The following TRHDE variants were observed in gnomAD, a reference collection of about 807,000 sequenced individuals.
TRHDE encodes thyrotropin releasing hormone degrading enzyme.
In TRHDE, 72 loss-of-function variants were observed where a neutral mutation model predicts 125.7. That is an observed-to-expected ratio of 0.57 (90% CI 0.47 to 0.70). TRHDE has a LOEUF of 0.70. Ranked by LOEUF, TRHDE falls within the 30% of genes least tolerant of loss-of-function variation. TRHDE has a pLI of 0.00. For synonymous variants in TRHDE, 509 were observed against 509.1 expected, an observed-to-expected ratio of 1.00 and a Z score of 0.00; for missense variants, 1,110 against 1,327.1, an observed-to-expected ratio of 0.84 and a Z score of 2.54.
intron 5 of TRHDE, among the ~76,000 whole-genome samples, chr12:72,476,136 C>T (rs1226937301): frequency 1.3e-5 from 2 of 152,084 alleles, no homozygotes; most frequent in Non-Finnish European, 1.5e-5. Context: ...AGGCTGCTCT[C>T]GAACTCCTGA....
chr12:72,473,294 T>A (rs2091996982), intron 5 of TRHDE, 114 bp downstream of exon 5: 1 of 725,708 alleles, frequency 1.4e-6, no homozygotes, highest in East Asian at 2.7e-5. Flanking sequence ...TGAAAATGTA[T>A]CAATAAAGTG....
chr12:72,101,371 C>T (rs1377936106), intron 1 of TRHDE, among the ~76,000 whole-genome samples: 5 of 152,178 alleles, frequency 3.3e-5, no homozygotes, highest in Admixed American at 3.3e-4. Context: ...GCAGTAGACA[C>T]AGAGTGAGTG....
Position 72,389,063 on chromosome 12 carries a change from G to C in TRHDE, c.1315+10942G>C, listed in dbSNP as rs1049875010. On this transcript the variant is annotated intron_variant, in intron 3 of 18. Coordinates refer to ENST00000261180, the MANE Select transcript of TRHDE (RefSeq NM_013381.3). The stretch of plus-strand genomic sequence containing the variant: ...CTCATTGGACTTTTAATACGGGAGA[G>C]AGGCAGAAAAAATATTTATGTAGTT... Among the ~76,000 whole-genome samples the C allele has an allele frequency of 4.6e-5, 7 of 151,944 alleles. No individual in the cohort carries two copies. The East Asian group carries it at 1.3e-3, about 29-fold the overall frequency.
intron 2 of TRHDE, among the ~76,000 whole-genome samples, chr12:72,354,433 T>G (rs1052122215): frequency 2.0e-5 from 3 of 151,412 alleles, no homozygotes; most frequent in African/African-American, 7.3e-5. Flanking sequence ...TAGCATAGCA[T>G]GATCTTAATG....
chr12:72,154,377 G>A (rs1279304071), intron 2 of TRHDE, among the ~76,000 whole-genome samples: 2 of 152,186 alleles, frequency 1.3e-5, no homozygotes, highest in Non-Finnish European at 2.9e-5. Context: ...ATTAATTGGA[G>A]CATTTAACCC....
chr12:72,617,530 T>A (rs1209539602), intron 12 of TRHDE, among the ~76,000 whole-genome samples: 1 of 152,160 alleles, frequency 6.6e-6, no homozygotes, highest in African/African-American at 2.4e-5. Flanking sequence ...TTTTGTTATG[T>A]TACAAAAGAA....
chr12:72,291,043 T>C (rs1245841254), intron 2 of TRHDE, among the ~76,000 whole-genome samples: 2 of 152,210 alleles, frequency 1.3e-5, no homozygotes, highest in African/African-American at 4.8e-5. Flanking sequence ...AGACTATTTA[T>C]ATTCATCCTA....
chr12:72,255,521 A>T (rs1878792417), intron 2 of TRHDE: 1 of 152,242 alleles, frequency 6.6e-6, no homozygotes, highest in Non-Finnish European at 1.5e-5. Context: ...CTTCAGTTAC[A>T]CCACAGCTGA....
intron 2 of TRHDE, among the ~76,000 whole-genome samples, chr12:72,370,338 T>G: frequency 6.6e-6 from 1 of 152,184 alleles, no homozygotes; most frequent in East Asian, 1.9e-4. Flanking sequence ...TACAATAGTC[T>G]AACTCATGTC....
intron 2 of TRHDE, among the ~76,000 whole-genome samples, chr12:72,312,184 A>G (rs1326047807): frequency 2.0e-5 from 3 of 152,168 alleles, no homozygotes; most frequent in Non-Finnish European, 4.4e-5. Context: ...CTCAAAGGCC[A>G]TAGTCAGTTA....
chr12:72,645,672 T>A (rs1191795802), intron 15 of TRHDE, among the ~76,000 whole-genome samples: 2 of 152,092 alleles, frequency 1.3e-5, no homozygotes, highest in African/African-American at 4.8e-5. Flanking sequence ...AGACACATTA[T>A]AATTAAATTG....
chr12:72,118,395 G>A (rs559908685), intron 2 of TRHDE, among the ~76,000 whole-genome samples: 1 of 152,196 alleles, frequency 6.6e-6, no homozygotes, highest in Non-Finnish European at 1.5e-5. Flanking sequence ...GCATCCCAGG[G>A]ATAAATCCCA....
intron 1 of TRHDE, among the ~76,000 whole-genome samples, chr12:72,099,321 C>A (rs185076347): frequency 2.0e-5 from 3 of 152,258 alleles, no homozygotes; most frequent in Non-Finnish European, 4.4e-5. Flanking sequence ...ATTAGCCCTC[C>A]ATCATTTCTA....
rs148066911 is a variant in TRHDE at position 72,140,910 on chromosome 12, C to T, written n.279+35158C>T. On this transcript the variant is annotated intron_variant and non_coding_transcript_variant, in intron 2 of 4. Transcript: ENST00000548156. ...GGAGAAGGTGAGGAAGGAGTAGTAA[C>T]TGCTGATGTAAAGGGCTAAGCTGAA... Among the ~76,000 whole-genome samples the T allele has an allele frequency of 6.2e-3, 946 of 152,206 alleles. 5 individuals carry two copies. The highest frequency in any genetic ancestry group is 9.2e-3 in the Non-Finnish European group (625 of 68,000).
chr12:72,368,122 A>G (rs1394567630), intron 2 of TRHDE, among the ~76,000 whole-genome samples: 2 of 152,200 alleles, frequency 1.3e-5, no homozygotes, highest in Non-Finnish European at 2.9e-5. Flanking sequence ...AATACAGTCT[A>G]GAAGAAAGGC....
intron 6 of TRHDE, among the ~76,000 whole-genome samples, chr12:72,512,588 CATATATAATCAT>C (rs1471735112): frequency 1.5e-5 from 2 of 136,006 alleles, no homozygotes; most frequent in African/African-American, 5.5e-5. Context: ...ATATAATAAT[CATATATAATCAT>C]ATATATAATT....
intron 2 of TRHDE, among the ~76,000 whole-genome samples, chr12:72,305,973 G>A (rs1760538994): frequency 6.6e-6 from 1 of 152,140 alleles, no homozygotes; most frequent in Non-Finnish European, 1.5e-5. Context: ...TGACACTCCA[G>A]TGGTACAGAC....
intron 2 of TRHDE, among the ~76,000 whole-genome samples, chr12:72,222,648 C>CT (rs1178940373): frequency 1.3e-5 from 2 of 152,132 alleles, no homozygotes; most frequent in African/African-American, 4.8e-5. Context: ...GCACTTGTTT[C>CT]TTTTTGCTTA....
chr12:72,295,071 C>T (rs1318147207), intron 2 of TRHDE, among the ~76,000 whole-genome samples: 1 of 148,900 alleles, frequency 6.7e-6, no homozygotes, highest in African/African-American at 2.5e-5. Flanking sequence ...TGCTTGAGTC[C>T]GCAGCTGTGG....
Sources: gnomAD v4.1 joint callset for allele counts (sites outside exome capture counted in the v4.1 genomes callset) on GRCh38, gnomAD v4.1.1 for gene constraint, MANE v1.5 for transcripts, NCBI Gene and HGNC (gene_info 2026-07-23, HGNC 2026-07-21) for gene names.